Variants in PCDH15 observed in about 807,000 individuals in gnomAD.
The protein encoded by PCDH15 is protocadherin related 15.
Under a neutral mutation model 178.5 loss-of-function variants are expected in PCDH15, and 129 were observed. The ratio of observed to expected loss-of-function variants is 0.72; its 90% confidence interval spans 0.63 to 0.84. PCDH15 has a LOEUF of 0.84. PCDH15 is among the 40% of genes least tolerant of loss of function. The pLI is 0.00. For synonymous variants in PCDH15, 800 were observed against 732.0 expected (o/e 1.09, Z -1.50); for missense variants, 2,230 against 2,099.9 (o/e 1.06, Z -1.21).
chr10:54,607,797 T>C, intron 2 of PCDH15: 1 of 493,894 alleles, frequency 2.0e-6, no homozygotes, highest in Non-Finnish European at 4.1e-6. Flanking sequence ...AGAATTTTTA[T>C]AGATATATGA....
rs370410232 is a variant in PCDH15 at position 55,370,640 on chromosome 10, C to T, written c.-155-203989G>A. Among the ~76,000 whole-genome samples the T allele has an allele frequency of 9.9e-5, 15 of 152,132 alleles. No individual in the cohort carries two copies. The South Asian group carries it at 3.1e-3, about 32-fold the overall frequency. On this transcript the variant is annotated intron_variant, in intron 2 of 5. Coordinates refer to the PCDH15 transcript ENST00000613346. ...TATATTTAGTGATCCTTACAAATTG[C>T]TTCTTGTTTTATGTTAGTATCCTTT...
intron 3 of PCDH15, among the ~76,000 whole-genome samples, chr10:54,449,529 G>C (rs982563955): frequency 2.6e-5 from 4 of 151,736 alleles, no homozygotes; most frequent in Non-Finnish European, 4.4e-5. Context: ...CTGCATGAAA[G>C]GAGAGTGTTC....
At chr10:54,578,144 C>T (rs926762657) in intron 2 of PCDH15, among the ~76,000 whole-genome samples, 23 of 152,002 alleles carry the variant, frequency 1.5e-4, no homozygotes, top group African/African-American at 5.6e-4. Context: ...ACTCCTTAGC[C>T]TTTTTGAAGT....
intron 8 of PCDH15, among the ~76,000 whole-genome samples, chr10:54,295,632 T>C (rs1026349744): frequency 8.5e-5 from 13 of 152,126 alleles, no homozygotes; most frequent in African/African-American, 3.1e-4. Flanking sequence ...GGACATACCA[T>C]CTTTAAGACC....
intron 3 of PCDH15, among the ~76,000 whole-genome samples, chr10:54,415,121 T>C (rs561210495): frequency 7.9e-4 from 120 of 152,236 alleles, no homozygotes; most frequent in African/African-American, 2.8e-3. Context: ...ACCTCTAAAG[T>C]ATTTATGAAA....
In PCDH15 at chr10:55,498,210, C is replaced by T. The variant is rs186867643; in HGVS notation, c.-156+129415G>A. 1.1e-3 allele frequency among the ~76,000 whole-genome samples: 173 copies of T among 151,964 alleles called. 1 individual carries two copies. The highest frequency in any genetic ancestry group is 3.9e-3 in the African/African-American group (164 of 41,522). On this transcript the variant is annotated intron_variant, in intron 2 of 5. Transcript: ENST00000613346. ...TACATTTAAGTTTCGTTCTGTGTCTCAATGACTCATTGCAGATTTATAATT... is the reference window on the plus strand; with the variant it reads ...TACATTTAAGTTTCGTTCTGTGTCTTAATGACTCATTGCAGATTTATAATT...
chr10:55,128,504 A>T (rs1837961062), intron 2 of PCDH15, among the ~76,000 whole-genome samples: 1 of 151,970 alleles, frequency 6.6e-6, no homozygotes, highest in South Asian at 2.1e-4. Context: ...ATCATCTACC[A>T]TTTTTATGTA....
chr10:55,101,651 T>C (rs1259567976), intron 2 of PCDH15, among the ~76,000 whole-genome samples: 1 of 151,816 alleles, frequency 6.6e-6, no homozygotes, highest in African/African-American at 2.4e-5. Context: ...AAATTTTAGA[T>C]CTAGTTTGTA....
intron 2 of PCDH15, among the ~76,000 whole-genome samples, chr10:55,503,851 T>G (rs1221114088): frequency 6.6e-6 from 1 of 151,370 alleles, no homozygotes; most frequent in Non-Finnish European, 1.5e-5. Context: ...TGGCAACTGT[T>G]TACATAACTA....
chr10:54,867,896 T>C (rs1953967376), intron 3 of PCDH15, among the ~76,000 whole-genome samples: 1 of 152,164 alleles, frequency 6.6e-6, no homozygotes, highest in African/African-American at 2.4e-5. Flanking sequence ...CTGCACAGCA[T>C]AGTGACTAAC....
chr10:54,527,697 C>A, intron 3 of PCDH15, 115 bp downstream of exon 3: 2 of 686,790 alleles, frequency 2.9e-6, no homozygotes, highest in Admixed American at 3.2e-5. Context: ...GGGAATTATC[C>A]ATGGATTTGG....
chr10:55,030,033 G>T (rs1403451705), intron 2 of PCDH15, among the ~76,000 whole-genome samples: 4 of 152,096 alleles, frequency 2.6e-5, no homozygotes, highest in African/African-American at 7.2e-5. Flanking sequence ...TATTCTTTAA[G>T]AAATTGATGG....
At chr10:54,820,848 C>CA (rs1953025726) in intron 3 of PCDH15, among the ~76,000 whole-genome samples, 1 of 151,884 alleles carries the variant, frequency 6.6e-6, no homozygotes, top group Non-Finnish European at 1.5e-5. Context: ...TCCATTATGG[C>CA]AAAAATTACT....
intron 10 of PCDH15, among the ~76,000 whole-genome samples, chr10:54,213,422 T>G (rs2051661577): frequency 6.6e-6 from 1 of 152,192 alleles, no homozygotes; most frequent in Admixed American, 6.5e-5. Flanking sequence ...TAAGATCATC[T>G]TTCAATATAA....
chr10:53,888,951 A>T (rs1438973973), intron 26 of PCDH15, among the ~76,000 whole-genome samples: 1 of 145,834 alleles, frequency 6.9e-6, no homozygotes, highest in African/African-American at 2.7e-5. Context: ...CAGAGAGAAC[A>T]CGTCAAGTAG....
intron 2 of PCDH15, among the ~76,000 whole-genome samples, chr10:55,371,133 A>G (rs1409191332): frequency 6.6e-6 from 1 of 152,152 alleles, no homozygotes; most frequent in South Asian, 2.1e-4. Flanking sequence ...TAAGGAAAGG[A>G]CAATTTTTAA....
intron 2 of PCDH15, among the ~76,000 whole-genome samples, chr10:55,000,004 G>A (rs555441797): frequency 1.3e-5 from 2 of 152,292 alleles, no homozygotes; most frequent in South Asian, 4.1e-4. Flanking sequence ...AAGGCAAATG[G>A]AGGCAGGGCG....
chr10:54,735,433 T>C (rs60728786), intron 1 of PCDH15, among the ~76,000 whole-genome samples: 18,868 of 151,536 alleles, frequency 0.12, 1,321 homozygotes, highest in African/African-American at 0.18. Flanking sequence ...GTAAACTAGT[T>C]CAACCATTGT....
At chr10:53,842,485 G>A (rs1262158528) in intron 28 of PCDH15, among the ~76,000 whole-genome samples, 2 of 152,062 alleles carry the variant, frequency 1.3e-5, no homozygotes, top group African/African-American at 4.8e-5. Context: ...GACCTCAAGT[G>A]ATCCGCCCGC....
Sources: gnomAD v4.1 joint callset for allele counts (sites outside exome capture counted in the v4.1 genomes callset) on GRCh38, gnomAD v4.1.1 for gene constraint, MANE v1.5 for transcripts, NCBI Gene and HGNC (gene_info 2026-07-23, HGNC 2026-07-21) for gene names.